Variants in TENM3 observed in about 807,000 individuals in gnomAD.
The protein encoded by TENM3 is teneurin-3.
TENM3 carries 63 observed loss-of-function variants against 255.1 expected under a neutral mutation model. The observed-to-expected ratio is 0.25, with a 90% CI of 0.20 to 0.30. The LOEUF (loss-of-function observed/expected upper bound fraction) is 0.30, where lower values mean the gene tolerates loss of function less well. TENM3 is among the 10% of genes least tolerant of loss of function. TENM3 has a pLI of 1.00. For missense variants in TENM3, 2,929 were observed against 3,461.1 expected (o/e 0.85, Z 3.86); for synonymous variants, 1,306 against 1,322.3 (o/e 0.99, Z 0.27).
At chr4:182,721,535 T>C (rs1272448999) in intron 13 of TENM3, among the ~76,000 whole-genome samples, 1 of 150,500 alleles carries the variant, frequency 6.6e-6, no homozygotes. Flanking sequence ...GTAGCGAATC[T>C]GTGTGTGTGT....
chr4:182,777,560 T>A (rs113339813), intron 24 of TENM3, among the ~76,000 whole-genome samples: 1 of 123,036 alleles, frequency 8.1e-6, no homozygotes, highest in Non-Finnish European at 1.7e-5. Flanking sequence ...TTTTTTTTTT[T>A]TTTTTTTTTT....
chr4:182,224,217 C>T (rs1433537415), intron 1 of TENM3, among the ~76,000 whole-genome samples: 15 of 152,138 alleles, frequency 9.9e-5, no homozygotes, highest in East Asian at 1.9e-4. Flanking sequence ...TTAGTGTATC[C>T]GTTCTTATTC....
chr4:181,968,984 C>CTATA, the TENM3 span, among the ~76,000 whole-genome samples: 15 of 128,568 alleles, frequency 1.2e-4, no homozygotes, highest in Admixed American at 7.8e-4. Flanking sequence ...CTCTCTCTCT[C>CTATA]TCTCTCTCTA....
the TENM3 span, among the ~76,000 whole-genome samples, chr4:181,561,758 C>T: frequency 4.9e-4 from 75 of 152,276 alleles, no homozygotes; most frequent in African/African-American, 1.7e-3. Context: ...CTGATGTGAG[C>T]GTGCATCTTC....
At chr4:181,630,362 A>G in the TENM3 span, among the ~76,000 whole-genome samples, 1 of 151,734 alleles carries the variant, frequency 6.6e-6, no homozygotes, top group East Asian at 1.9e-4. Context: ...GATTTTAGTT[A>G]TTTATTGCCT....
chr4:182,169,551 A>C (rs903969302), intron 1 of TENM3, among the ~76,000 whole-genome samples: 1 of 152,184 alleles, frequency 6.6e-6, no homozygotes, highest in African/African-American at 2.4e-5. Context: ...AGTGCTGTGA[A>C]TTTAAAATCT....
At chr4:182,537,445 T>G (rs1347388654) in intron 3 of TENM3, among the ~76,000 whole-genome samples, 1 of 152,174 alleles carries the variant, frequency 6.6e-6, no homozygotes, top group Non-Finnish European at 1.5e-5. Context: ...ACCAGCTACT[T>G]TATCTTTCTG....
intron 1 of TENM3, 59 bp from the exon 2 acceptor site, chr4:182,323,887 A>G: frequency 5.8e-6 from 4 of 687,310 alleles, no homozygotes; most frequent in Non-Finnish European, 1.0e-5. Context: ...AAGGGTAGAG[A>G]GTAGCCAGTT....
the TENM3 span, among the ~76,000 whole-genome samples, chr4:181,995,054 T>G: frequency 4.6e-5 from 7 of 152,068 alleles, no homozygotes; most frequent in African/African-American, 1.7e-4. Flanking sequence ...TTTGAGAAGC[T>G]GAGGCGGGTA....
chr4:182,769,565 C>CCT (rs1339293166), intron 22 of TENM3, among the ~76,000 whole-genome samples: 2 of 148,994 alleles, frequency 1.3e-5, no homozygotes, highest in African/African-American at 2.5e-5. Context: ...GGGAGGATCA[C>CCT]GAGGTCAGGA....
chr4:182,295,255 G>GCTTTT (rs1561291337), intron 1 of TENM3, among the ~76,000 whole-genome samples: 14 of 136,384 alleles, frequency 1.0e-4, no homozygotes, highest in South Asian at 6.6e-4. Context: ...TATGTGCTTT[G>GCTTTT]CTTTTCTTTT....
At chr4:181,800,326 G>T in the TENM3 span, among the ~76,000 whole-genome samples, 1 of 152,108 alleles carries the variant, frequency 6.6e-6, no homozygotes, top group African/African-American at 2.4e-5. Flanking sequence ...CTGGACATAT[G>T]GGAATAAGAA....
chr4:182,379,814 G>A (rs1312276558), intron 3 of TENM3, among the ~76,000 whole-genome samples: 1 of 152,140 alleles, frequency 6.6e-6, no homozygotes, highest in Non-Finnish European at 1.5e-5. Context: ...GCATCTCTTG[G>A]TATTTCCATT....
At chr4:181,574,950 T>C in the TENM3 span, among the ~76,000 whole-genome samples, 2 of 152,232 alleles carry the variant, frequency 1.3e-5, no homozygotes, top group African/African-American at 4.8e-5. Context: ...AGTTCTGTTT[T>C]TCAGTCATTT....
the TENM3 span, among the ~76,000 whole-genome samples, chr4:181,513,258 C>CA: frequency 7.1e-4 from 104 of 146,596 alleles, 1 homozygote; most frequent in Middle Eastern, 3.6e-3. Context: ...TTCATAATTA[C>CA]AAAAAAAAAA....
the TENM3 span, among the ~76,000 whole-genome samples, chr4:181,578,133 A>G: frequency 1.3e-5 from 2 of 152,204 alleles, no homozygotes; most frequent in Non-Finnish European, 2.9e-5. Flanking sequence ...TGTGCTGGGA[A>G]GGTGAGCAGG....
rs760857715 is a variant in TENM3, at chr4:182,680,308, G to T, written c.1598G>T (p.Cys533Phe). The change falls in exon 9 of 28, where the codon TGC becomes TTC. Residue 533 changes from cysteine to phenylalanine, a missense_variant. By Grantham distance (205) the Cys-to-Phe change is radical. Transcript: ENST00000511685. ...HGNGECVSGT[C>F]HCFPGFLGPD... ...AATGGAGAATGCGTTTCTGGAACTTGCCATTGTTTTCCAGGATTTCTGGGT... is the reference window on the plus strand; with the variant it reads ...AATGGAGAATGCGTTTCTGGAACTTTCCATTGTTTTCCAGGATTTCTGGGT... 5.6e-6 allele frequency: 9 copies of T among 1,613,696 alleles called. No homozygotes were observed. The South Asian group carries it at 9.9e-5, about 18-fold the overall frequency.
At chr4:182,093,287 T>C in the TENM3 span, among the ~76,000 whole-genome samples, 2 of 152,170 alleles carry the variant, frequency 1.3e-5, no homozygotes, top group Non-Finnish European at 2.9e-5. Context: ...TCATGAATTA[T>C]TGAGACGGGA....
chr4:182,132,631 C>G, the TENM3 span, among the ~76,000 whole-genome samples: 1 of 152,106 alleles, frequency 6.6e-6, no homozygotes. Flanking sequence ...AATGACTTTT[C>G]TCAAAAGCAG....
Sources: allele counts gnomAD v4.1 joint callset (sites outside exome capture counted in the v4.1 genomes callset), GRCh38; gene constraint gnomAD v4.1.1; transcripts MANE v1.5; gene names NCBI Gene and HGNC (gene_info 2026-07-23, HGNC 2026-07-21).